Variants in SYTL5 observed in about 807,000 individuals in gnomAD.
SYTL5 encodes synaptotagmin-like protein 5.
SYTL5 carries 34 observed loss-of-function variants against 55.9 expected under a neutral mutation model. The ratio of observed to expected loss-of-function variants is 0.61; its 90% CI spans 0.46 to 0.81. The LOEUF is 0.81. SYTL5 is among the 30% of genes least tolerant of loss of function. The probability of loss-of-function intolerance (pLI) is 0.00; values close to 1 mark genes in which losing one functional copy is unlikely to be tolerated. For missense variants in SYTL5, 637 were observed against 546.7 expected (o/e 1.17, Z -1.65); for synonymous variants, 221 against 188.7 (o/e 1.17, Z -1.40).
the SYTL5 span, among the ~76,000 whole-genome samples, chrX:37,959,828 C>T: frequency 1.8e-5 from 2 of 111,918 alleles, no homozygotes; most frequent in East Asian, 5.6e-4. Context: ...CGGCTCTCTG[C>T]TGTGGCTCTA....
chrX:37,959,158 G>A, the SYTL5 span, among the ~76,000 whole-genome samples: 1 of 111,853 alleles, frequency 8.9e-6, no homozygotes, highest in Non-Finnish European at 1.9e-5. Flanking sequence ...GGGACTCTCC[G>A]TGACAGCTCT....
At chrX:37,893,629 A>G in the SYTL5 span, among the ~76,000 whole-genome samples, 1 of 68,794 alleles carries the variant, frequency 1.5e-5, no homozygotes, top group Non-Finnish European at 2.2e-5. Flanking sequence ...TATATAATCT[A>G]TATATATAAT....
At chrX:37,966,440 T>TC in the SYTL5 span, among the ~76,000 whole-genome samples, 5 of 91,186 alleles carry the variant, frequency 5.5e-5, no homozygotes, top group East Asian at 3.2e-4. Context: ...CTTTTTCTTT[T>TC]TTTTTTTTTT....
intron 6 of SYTL5, among the ~76,000 whole-genome samples, chrX:38,085,523 C>A (rs1456140606): frequency 8.9e-6 from 1 of 112,201 alleles, no homozygotes; most frequent in Non-Finnish European, 1.9e-5. Context: ...TTTCTAACTG[C>A]AACCTTCCTT....
At chrX:37,960,297 A>G in the SYTL5 span, among the ~76,000 whole-genome samples, 1 of 112,100 alleles carries the variant, frequency 8.9e-6, no homozygotes, top group East Asian at 2.8e-4. Flanking sequence ...ATTCTCTACC[A>G]CATGTCCAAA....
At chrX:37,958,266 A>G in the SYTL5 span, among the ~76,000 whole-genome samples, 1 of 110,778 alleles carries the variant, frequency 9.0e-6, no homozygotes, top group African/African-American at 3.3e-5. Context: ...TATTTACCTC[A>G]TAGTTCTAGA....
the SYTL5 span, among the ~76,000 whole-genome samples, chrX:37,904,128 G>A: frequency 4.1e-4 from 45 of 110,181 alleles, no homozygotes; most frequent in African/African-American, 1.4e-3. Flanking sequence ...ATTGCTTTGC[G>A]CAAGAAGACA....
chrX:37,928,547 C>T, the SYTL5 span, among the ~76,000 whole-genome samples: 1 of 111,483 alleles, frequency 9.0e-6, no homozygotes, highest in African/African-American at 3.3e-5. Flanking sequence ...TGGCCAACTA[C>T]ACAAACTGTT....
intron 3 of SYTL5, among the ~76,000 whole-genome samples, chrX:38,065,010 A>G (rs1206009720): frequency 9.0e-6 from 1 of 110,924 alleles, no homozygotes; most frequent in Non-Finnish European, 1.9e-5. Context: ...ATTAAAGTGT[A>G]TTTTTCTCAT....
chrX:38,074,100 T>A (rs142026472), intron 5 of SYTL5, among the ~76,000 whole-genome samples: 2,702 of 111,756 alleles, frequency 0.024, 64 homozygotes, highest in African/African-American at 0.083. Context: ...GATTTATTAA[T>A]TGAGCTTAAA....
chrX:38,106,095 C>T (rs1937204444), intron 10 of SYTL5, among the ~76,000 whole-genome samples: 2 of 111,422 alleles, frequency 1.8e-5, no homozygotes, highest in African/African-American at 6.5e-5. Context: ...GTTATGGCTC[C>T]CCGGAGACTG....
At chrX:37,980,478 A>G in the SYTL5 span, among the ~76,000 whole-genome samples, 1 of 112,462 alleles carries the variant, frequency 8.9e-6, no homozygotes, top group African/African-American at 3.2e-5. Flanking sequence ...ACCACTTAAA[A>G]TCTCTAGAAA....
At chrX:37,986,974 C>T in the SYTL5 span, among the ~76,000 whole-genome samples, 1 of 111,365 alleles carries the variant, frequency 9.0e-6, no homozygotes, top group Non-Finnish European at 1.9e-5. Context: ...CCCATTAACT[C>T]ATCATTTACA....
chrX:38,000,600 G>A, the SYTL5 span, among the ~76,000 whole-genome samples: 118 of 112,224 alleles, frequency 1.1e-3, no homozygotes, highest in Middle Eastern at 9.3e-3. Context: ...TTTCAGTTTA[G>A]CCATCTGTAG....
chrX:38,030,685 A>G (rs1934927163), intron 1 of SYTL5, among the ~76,000 whole-genome samples: 1 of 111,743 alleles, frequency 8.9e-6, no homozygotes, highest in Non-Finnish European at 1.9e-5. Flanking sequence ...ACTAGAAAAG[A>G]CTCATTCCCT....
chrX:37,951,698 T>A, the SYTL5 span, among the ~76,000 whole-genome samples: 3 of 111,093 alleles, frequency 2.7e-5, no homozygotes, highest in African/African-American at 9.8e-5. Context: ...TAGTAAAAAT[T>A]GTAAGGCAGG....
intron 3 of SYTL5, among the ~76,000 whole-genome samples, chrX:38,059,288 T>C (rs1935874717): frequency 1.8e-5 from 2 of 112,093 alleles, no homozygotes; most frequent in Admixed American, 1.9e-4. Flanking sequence ...TTATTGTTTC[T>C]TGTGGTTTTG....
At chrX:38,094,222 A>G in intron 7 of SYTL5, 73 bp from the exon 8 acceptor site, 1 of 970,070 alleles carries the variant, frequency 1.0e-6, no homozygotes, top group Non-Finnish European at 1.4e-6. Flanking sequence ...ATACTGAAGT[A>G]TATTTATGTA....
intron 13 of SYTL5, among the ~76,000 whole-genome samples, chrX:38,117,517 G>T (rs773841582): frequency 3.8e-4 from 43 of 112,016 alleles, no homozygotes; most frequent in African/African-American, 1.4e-3. Context: ...GTTAACTATT[G>T]CTGTATGCCA....
Sources: gnomAD v4.1 joint callset for allele counts (sites outside exome capture counted in the v4.1 genomes callset) on GRCh38, gnomAD v4.1.1 for gene constraint, MANE v1.5 for transcripts, NCBI Gene and HGNC (gene_info 2026-07-23, HGNC 2026-07-21) for gene names.